Variants in PHTF1 observed in about 807,000 individuals in gnomAD.
PHTF1 encodes protein PHTF1.
PHTF1 carries 88 observed loss-of-function variants against 102.4 expected under a neutral mutation model. The ratio of observed to expected loss-of-function variants is 0.86; its 90% CI spans 0.72 to 1.03. The LOEUF is 1.03. PHTF1 is among the 50% of genes least tolerant of loss of function. PHTF1 has a pLI of 0.00. For missense variants in PHTF1, 814 were observed against 909.5 expected (o/e 0.89, Z 1.35); for synonymous variants, 289 against 305.2 (o/e 0.95, Z 0.55).
At chr1:113,726,614 C>A in intron 5 of PHTF1, 40 bp from the exon 6 acceptor site, 1 of 1,243,028 alleles carries the variant, frequency 8.0e-7, no homozygotes, top group South Asian at 1.5e-5. Context: ...CATTAGAGCT[C>A]TTCTTTAAAA....
intron 11 of PHTF1, among the ~76,000 whole-genome samples, chr1:113,708,507 C>T (rs1393189765): frequency 2.0e-5 from 3 of 152,042 alleles, no homozygotes; most frequent in African/African-American, 7.2e-5. Context: ...GCGGCAGGCA[C>T]CTGTAATCCT....
In PHTF1 at chr1:113,718,370, G is replaced by A. The variant is rs572415485; in HGVS notation, c.624-4932C>T. 2.6e-5 allele frequency among the ~76,000 whole-genome samples: 4 copies of A among 152,316 alleles called. No individual in the cohort carries two copies. The South Asian group carries it at 6.2e-4, about 24-fold the overall frequency. On this transcript the variant is annotated intron_variant, in intron 7 of 18. Transcript: ENST00000369604. ...GCCTCCCTCCTGGCTGCTTTCACAGGCTGGTGTTGAGTGTCTGAGGCTTTG... is the reference window on the plus strand; with the variant it reads ...GCCTCCCTCCTGGCTGCTTTCACAGACTGGTGTTGAGTGTCTGAGGCTTTG...
chr1:113,726,604 C>T (rs1417212655), intron 5 of PHTF1, 30 bp from the exon 6 acceptor site: 1 of 1,322,930 alleles, frequency 7.6e-7, no homozygotes, highest in Non-Finnish European at 1.0e-6. Flanking sequence ...AGATGTAAAA[C>T]ATTAGAGCTC....
intron 7 of PHTF1, among the ~76,000 whole-genome samples, chr1:113,718,110 G>A (rs1234388447): frequency 5.3e-5 from 8 of 152,144 alleles, no homozygotes; most frequent in Admixed American, 2.0e-4. Context: ...TTACTTTCTA[G>A]ATACAATGAG....
rs1485213227 is a variant in PHTF1 at position 113,704,688 on chromosome 1, A to G, written c.1781T>C (p.Leu594Ser). 2 of 1,592,344 alleles carry G rather than the reference A, an allele frequency of 1.3e-6. No homozygotes were observed. The highest frequency in any genetic ancestry group is 1.7e-6 in the Non-Finnish European group (2 of 1,164,616). Residue 594 changes from leucine (L) to serine (S), a missense_variant, in exon 14 of 19, where the codon TTA becomes TCA. By Grantham distance (145) the Leu-to-Ser change is moderately radical. Coordinates refer to ENST00000369604, the MANE Select transcript of PHTF1 (RefSeq NM_001323043.2). ...LKKVENIKIW[L>S]SLRSYLKRRG... ...CACCTTTAGATAGGAACGCAGTGAT[A>G]ACCATATTTTAATATTCTCCACCTT...
In PHTF1 at chr1:113,739,339, G is replaced by A. The variant is rs1002509090; in HGVS notation, c.103-540C>T. Among the ~76,000 whole-genome samples the A allele has an allele frequency of 4.6e-5, 7 of 151,696 alleles. No homozygotes were observed. In the South Asian group the frequency reaches 6.2e-4, roughly 14 times the overall value. ...TACTTTATCACTTTTTAAAATATTC[G>A]AACAGTGCCAACAGATCAATACGTG... On this transcript the variant is annotated intron_variant, in intron 3 of 18. Coordinates refer to ENST00000369604, the MANE Select transcript of PHTF1 (RefSeq NM_001323043.2).
chr1:113,752,890 A>G (rs1338310113), intron 3 of PHTF1, among the ~76,000 whole-genome samples: 1 of 152,178 alleles, frequency 6.6e-6, no homozygotes, highest in Non-Finnish European at 1.5e-5. Flanking sequence ...TTAGGGGAAA[A>G]CATTCAGTCT....
At chr1:113,744,739 C>T (rs1656942282) in intron 3 of PHTF1, among the ~76,000 whole-genome samples, 3 of 152,070 alleles carry the variant, frequency 2.0e-5, no homozygotes, top group Non-Finnish European at 4.4e-5. Context: ...TCCCTGACCT[C>T]AGGGCGACCA....
intron 7 of PHTF1, among the ~76,000 whole-genome samples, chr1:113,720,691 C>G (rs1652787520): frequency 6.6e-6 from 1 of 152,172 alleles, no homozygotes; most frequent in African/African-American, 2.4e-5. Flanking sequence ...GGTGGATCTA[C>G]CATTCTGGGG....
In PHTF1 at chr1:113,726,533, T is replaced by A; in HGVS notation, c.373A>T (p.Ile125Leu). The A allele has an allele frequency of 2.5e-6, 4 of 1,607,454 alleles. No individual in the cohort carries two copies. The highest frequency in any genetic ancestry group is 3.4e-6 in the Non-Finnish European group (4 of 1,176,344). ...VLYLMMPIVN[I>L]SEVLGPLCLM... is the part of the protein sequence containing the mutation. ...CACAAGGGTCCAAGTACTTCACTTA[T>A]GTTCACAATAGGCATCATCAAATAT... Residue 125 changes from isoleucine (I) to leucine (L), a missense_variant, in exon 6 of 19, where the codon ATA becomes TTA. By Grantham distance (5) the Ile-to-Leu change is conservative (BLOSUM62 2). Transcript: ENST00000369604.
chr1:113,739,128 T>C (rs1319793501), intron 3 of PHTF1, among the ~76,000 whole-genome samples: 2 of 152,194 alleles, frequency 1.3e-5, no homozygotes, highest in Admixed American at 6.5e-5. Context: ...TCTGGAATTA[T>C]AGGTGTTAGC....
chr1:113,746,827 AAAAT>A (rs1470519168), intron 3 of PHTF1: 2 of 887,168 alleles, frequency 2.3e-6, no homozygotes, highest in African/African-American at 3.6e-5. Context: ...AGGTTAATAA[AAAAT>A]AACATTCCAG....
Position 113,697,566 on chromosome 1 carries a change from T to C in PHTF1, c.*139A>G. On this transcript the variant is annotated 3_prime_UTR_variant, in exon 19 of 19. Coordinates refer to ENST00000369604, the MANE Select transcript of PHTF1 (RefSeq NM_001323043.2). ...AGGACTTGCTCCTCCGGAAACACCA[T>C]TCATTCGCTTTGGCAGAGCTGAGAG... 1 of 620,506 alleles carries C rather than the reference T, an allele frequency of 1.6e-6. No homozygotes were observed. The highest frequency in any genetic ancestry group is 2.9e-6 in the Non-Finnish European group (1 of 342,770). The allele number at this position is 620,506 out of a possible 1,614,324, so 38.4% of individuals were successfully genotyped here.
chr1:113,711,690 T>G, intron 10 of PHTF1, 56 bp downstream of exon 10: 1 of 1,311,492 alleles, frequency 7.6e-7, no homozygotes, highest in East Asian at 2.3e-5. Flanking sequence ...AAAAAAGGAA[T>G]GGATAAAGTT....
At chr1:113,712,211 A>G (rs1651234883) in intron 8 of PHTF1, 98 bp from the exon 9 acceptor site, 1 of 932,416 alleles carries the variant, frequency 1.1e-6, no homozygotes, top group Non-Finnish European at 1.6e-6. Context: ...AAAACTACCA[A>G]GCAGCAAAAG....
chr1:113,706,812 C>A, intron 11 of PHTF1, 90 bp from the exon 12 acceptor site: 8 of 677,064 alleles, frequency 1.2e-5, no homozygotes, highest in South Asian at 2.1e-5. Context: ...TGCCAACACT[C>A]TAATAACCAC....
chr1:113,757,011 C>CA (rs1400264575), intron 3 of PHTF1, among the ~76,000 whole-genome samples: 3 of 152,090 alleles, frequency 2.0e-5, no homozygotes, highest in Admixed American at 1.3e-4. Context: ...ACTAAAAATA[C>CA]AAAAAATTAG....
At chr1:113,757,372 C>T (rs1193808669) in intron 3 of PHTF1, among the ~76,000 whole-genome samples, 2 of 152,162 alleles carry the variant, frequency 1.3e-5, no homozygotes, top group African/African-American at 4.8e-5. Context: ...TTTCCAGCTT[C>T]TCTTGAAAAA....
rs778609713 is a variant in PHTF1 at position 113,726,542 on chromosome 1, T to G, written c.364A>C (p.Ile122Leu). The change falls in exon 6 of 19, where the codon ATT becomes CTT. Residue 122 changes from isoleucine to leucine, a missense_variant. By Grantham distance (5) the Ile-to-Leu change is conservative. Transcript: ENST00000369604. ...IAIVLYLMMP[I>L]VNISEVLGPL... The stretch of plus-strand genomic sequence containing the variant: ...CCAAGTACTTCACTTATGTTCACAA[T>G]AGGCATCATCAAATATAAGACAATT... 1 of 1,601,576 alleles carries G rather than the reference T, an allele frequency of 6.2e-7. No homozygotes were observed. Among genetic ancestry groups the G allele is most frequent in the African/African-American group, 1.3e-5 (1 of 74,406 alleles).
Sources: gnomAD v4.1 joint callset for allele counts (sites outside exome capture counted in the v4.1 genomes callset) on GRCh38, gnomAD v4.1.1 for gene constraint, MANE v1.5 for transcripts, NCBI Gene and HGNC (gene_info 2026-07-23, HGNC 2026-07-21) for gene names.